ENO4: variants seen among roughly 807,000 people sequenced by gnomAD.
ENO4 encodes enolase 4, also known as 2-phospho-D-glycerate hydro-lyase.
In ENO4, 53 loss-of-function variants were observed where a neutral mutation model predicts 63.2. That is an observed-to-expected ratio of 0.84 (90% CI 0.67 to 1.05). ENO4 has a LOEUF of 1.05. ENO4 is among the 50% of genes least tolerant of loss of function. ENO4 has a pLI of 0.00. For missense variants in ENO4, 719 were observed against 772.0 expected, an observed-to-expected ratio of 0.93 and a Z score of 0.81; for synonymous variants, 266 against 283.8, an observed-to-expected ratio of 0.94 and a Z score of 0.63.
At chr10:116,898,498 AGCCCTTTACCTCT>A (rs748577853) in intron 10 of ENO4, among the ~76,000 whole-genome samples, 2 of 152,176 alleles carry the variant, frequency 1.3e-5, no homozygotes, top group Non-Finnish European at 2.9e-5. Flanking sequence ...GTGCCTGGTC[AGCCCTTTACCTCT>A]TATAGCATAA....
Position 116,882,322 on chromosome 10 carries a change from A to C in ENO4, c.*653A>C, listed in dbSNP as rs1375996403. 2 of 152,072 alleles carry C rather than the reference A, an allele frequency of 1.3e-5. No individual in the cohort carries two copies. Among genetic ancestry groups the C allele is most frequent in the African/African-American group, 4.8e-5 (2 of 41,408 alleles). 9.4% of individuals were successfully genotyped at this position (152,072 alleles called of 1,614,324 possible). A position where few individuals can be genotyped will look rare whatever the true frequency, so the allele number is the denominator to read the frequency against. Reference sequence around the variant, plus strand: ...GTATAAATGAATAAGCACATCAGTAAATGAATTAATATTCTCAAGGTTATT... The same window carrying C: ...GTATAAATGAATAAGCACATCAGTACATGAATTAATATTCTCAAGGTTATT... On this transcript the variant is annotated 3_prime_UTR_variant, in exon 14 of 14. Transcript: ENST00000341276.
chr10:116,904,787 C>A (rs2133332001), intron 10 of ENO4, among the ~76,000 whole-genome samples: 1 of 152,282 alleles, frequency 6.6e-6, no homozygotes, highest in East Asian at 1.9e-4. Flanking sequence ...GTGAGTATTG[C>A]ACATTTTGAC....
intron 6 of ENO4, 51 bp downstream of exon 6, chr10:116,861,241 A>ATC: frequency 2.4e-6 from 1 of 410,722 alleles, no homozygotes; most frequent in Non-Finnish European, 3.7e-6. Flanking sequence ...AAAAAAATAT[A>ATC]TATATATATA....
intron 9 of ENO4, among the ~76,000 whole-genome samples, chr10:116,873,273 G>A (rs1189745668): frequency 6.6e-6 from 1 of 152,044 alleles, no homozygotes; most frequent in Non-Finnish European, 1.5e-5. Context: ...AATTCCAATG[G>A]AATCCATTCT....
chr10:116,884,528 C>A (rs1180777457), downstream of ENO4: 3 of 315,158 alleles, frequency 9.5e-6, no homozygotes, highest in Admixed American at 1.3e-4. Context: ...ATTTTGATAA[C>A]CATATTATTC....
intron 10 of ENO4, among the ~76,000 whole-genome samples, chr10:116,896,061 T>C (rs1260569917): frequency 6.6e-6 from 1 of 152,156 alleles, no homozygotes; most frequent in African/African-American, 2.4e-5. Flanking sequence ...TTTCAGCACA[T>C]TTCCTCTTAG....
At chr10:116,870,156 G>A (rs1405153843) in intron 8 of ENO4, among the ~76,000 whole-genome samples, 1 of 152,252 alleles carries the variant, frequency 6.6e-6, no homozygotes, top group African/African-American at 2.4e-5. Context: ...CCGGGTTCAT[G>A]TTTGTCATTG....
chr10:116,901,533 A>G, intron 10 of ENO4: 1 of 985,340 alleles, frequency 1.0e-6, no homozygotes, highest in Non-Finnish European at 1.2e-6. Context: ...CTGATTACCA[A>G]ACCAGTTTAG....
In ENO4 at chr10:116,876,110, T is replaced by C. The variant is rs1589763203; in HGVS notation, c.1387T>C (p.Cys463Arg). 5 of 1,550,666 alleles carry C rather than the reference T, an allele frequency of 3.2e-6. No individual in the cohort carries two copies. The highest frequency in any genetic ancestry group is 2.7e-5 in the African/African-American group (2 of 73,148). ...CATCTATCACGCACTTGGTTCCAGGTGTTACATAATTGCAGGAACTGCTTC... is the reference window on the plus strand; with the variant it reads ...CATCTATCACGCACTTGGTTCCAGGCGTTACATAATTGCAGGAACTGCTTC... The part of the protein sequence containing the change: ...DSIYHALGSR[C>R]YIIAGTASKS... The change falls in exon 11 of 14, where the codon TGT becomes CGT. Residue 463 changes from cysteine to arginine, a missense_variant. Cys to Arg is a radical substitution (Grantham distance 180). Around this residue, in one of 3 missense-constraint regions of ENO4, gnomAD observed 544 missense variants for 583.6 expected, o/e 0.93. Coordinates refer to ENST00000341276, the MANE Select transcript of ENO4 (RefSeq NM_001242699.2).
chr10:116,863,213 C>G (rs926794903), intron 7 of ENO4, among the ~76,000 whole-genome samples: 1 of 152,196 alleles, frequency 6.6e-6, no homozygotes, highest in African/African-American at 2.4e-5. Context: ...AACAAGGGCC[C>G]CTGGCAGAGC....
chr10:116,907,836 G>A, intron 10 of ENO4: 2 of 511,884 alleles, frequency 3.9e-6, no homozygotes, highest in South Asian at 1.4e-5. Flanking sequence ...TGTCCACCAA[G>A]GCTAATAATC....
At chr10:116,886,279 TAAC>T (rs1236750190), downstream of ENO4, 9 of 1,548,032 alleles carry the variant, frequency 5.8e-6, no homozygotes, top group African/African-American at 1.4e-5. Flanking sequence ...CTTGCCAATA[TAAC>T]AACACTAATC....
At chr10:116,886,437 T>G (rs1372843287), downstream of ENO4, 10 of 1,611,446 alleles carry the variant, frequency 6.2e-6, no homozygotes. Flanking sequence ...TGTGTTGAGT[T>G]GGATCTTTTT....
intron 10 of ENO4, among the ~76,000 whole-genome samples, chr10:116,905,842 G>A (rs747966582): frequency 7.9e-5 from 12 of 152,164 alleles, no homozygotes; most frequent in Non-Finnish European, 1.5e-4. Context: ...AAAGGTTTCC[G>A]TTAATTCCCA....
At chr10:116,898,525 G>T (rs1372130188) in intron 10 of ENO4, among the ~76,000 whole-genome samples, 2 of 152,044 alleles carry the variant, frequency 1.3e-5, no homozygotes, top group African/African-American at 4.8e-5. Flanking sequence ...AGCATAAAGG[G>T]ACATGATGAG....
chr10:116,872,077 A>G (rs544241206), intron 9 of ENO4, among the ~76,000 whole-genome samples: 71 of 152,146 alleles, frequency 4.7e-4, no homozygotes, highest in Non-Finnish European at 8.7e-4. Flanking sequence ...GGCTTCTGTA[A>G]TCTCAGCTAC....
intron 10 of ENO4, among the ~76,000 whole-genome samples, chr10:116,894,920 T>C (rs1401106550): frequency 2.0e-5 from 3 of 152,210 alleles, no homozygotes; most frequent in African/African-American, 7.2e-5. Context: ...CATTTTAAGA[T>C]CTGCTTACCT....
Position 116,871,105 on chromosome 10 carries a change from A to G in ENO4, c.1048-20A>G, listed in dbSNP as rs1846682519. On this transcript the variant is annotated intron_variant, in intron 8 of 13. Coordinates refer to ENST00000341276, the MANE Select transcript of ENO4 (RefSeq NM_001242699.2). Reference sequence around the variant, plus strand: ...TTAATGTGCTGTATTGACATGGATCATTGTCTCTTGATCTTGCAGCAGCAG... The same window carrying G: ...TTAATGTGCTGTATTGACATGGATCGTTGTCTCTTGATCTTGCAGCAGCAG... The G allele has an allele frequency of 6.5e-7, 1 of 1,549,382 alleles. No individual in the cohort carries two copies.
chr10:116,906,557 T>C lies in ENO4; in HGVS notation c.1195-4942T>C, dbSNP rs993133311. 3 of 1,462,602 alleles carry C rather than the reference T, an allele frequency of 2.1e-6. No individual in the cohort carries two copies. The Admixed American group carries it at 7.1e-5, about 34-fold the overall frequency. The allele number at this position is 1,462,602 out of a possible 1,614,324, so 90.6% of individuals were successfully genotyped here. Reference sequence around the variant, plus strand: ...ATACTTTTTAAAAGATTGTTTCATGTAAAAAGAGACTTAGAAGAAGATGTT... The same window carrying C: ...ATACTTTTTAAAAGATTGTTTCATGCAAAAAGAGACTTAGAAGAAGATGTT... On this transcript the variant is annotated intron_variant, in intron 10 of 10. Coordinates refer to the ENO4 transcript ENST00000369207.
Sources: allele counts gnomAD v4.1 joint callset (sites outside exome capture counted in the v4.1 genomes callset), GRCh38; gene constraint gnomAD v4.1.1; regional missense constraint gnomAD v4.1.1; transcripts MANE v1.5; gene names NCBI Gene and HGNC (gene_info 2026-07-23, HGNC 2026-07-21).